RARB: variants seen among roughly 807,000 people sequenced by gnomAD.
RARB encodes the protein HBV-activated protein.
A neutral mutation model predicts 51.9 loss-of-function variants in RARB; 17 were observed. That is an observed-to-expected ratio of 0.33 (90% confidence interval 0.22 to 0.49). The LOEUF (loss-of-function observed/expected upper bound fraction) is 0.49, where lower values mean the gene tolerates loss of function less well. RARB is among the 20% of genes least tolerant of loss of function. RARB has a pLI of 0.99. For synonymous variants in RARB, 215 were observed against 195.4 expected, an observed-to-expected ratio of 1.10 and a Z score of -0.84; for missense variants, 369 against 550.8, an observed-to-expected ratio of 0.67 and a Z score of 3.30.
chr3:25,250,217 C>A (rs1349516297), intron 5 of RARB, among the ~76,000 whole-genome samples: 12 of 152,038 alleles, frequency 7.9e-5, no homozygotes, highest in Admixed American at 7.9e-4. Context: ...GGGATGCCAA[C>A]AATGGTGGAT....
intron 3 of RARB, among the ~76,000 whole-genome samples, chr3:25,067,475 G>A (rs1374788448): frequency 6.6e-6 from 1 of 152,182 alleles, no homozygotes. Flanking sequence ...TGGAGTGGAT[G>A]TAGAGGAGTT....
chr3:24,962,266 C>G (rs1696158303), intron 2 of RARB, among the ~76,000 whole-genome samples: 1 of 152,042 alleles, frequency 6.6e-6, no homozygotes, highest in Admixed American at 6.6e-5. Flanking sequence ...TTTGAAAGAT[C>G]AGGGTGCCTC....
chr3:25,198,892 A>G (rs1161522491), intron 5 of RARB, among the ~76,000 whole-genome samples: 1 of 152,098 alleles, frequency 6.6e-6, no homozygotes, highest in African/African-American at 2.4e-5. Flanking sequence ...ATTCCTCAAA[A>G]AACTAAAACT....
chr3:25,182,523 C>G (rs1461960037), intron 5 of RARB, among the ~76,000 whole-genome samples: 3 of 152,060 alleles, frequency 2.0e-5, no homozygotes, highest in Non-Finnish European at 4.4e-5. Context: ...AAAAGGGACT[C>G]AAAAGTATTG....
intron 5 of RARB, among the ~76,000 whole-genome samples, chr3:25,590,499 T>C (rs1575547521): frequency 6.6e-6 from 1 of 152,140 alleles, no homozygotes; most frequent in South Asian, 2.1e-4. Flanking sequence ...GGCCCATAAA[T>C]ATTGAGCATA....
intron 5 of RARB, among the ~76,000 whole-genome samples, chr3:25,285,985 C>A (rs74608911): frequency 0.025 from 3,824 of 151,918 alleles, 147 homozygotes; most frequent in African/African-American, 0.084. Context: ...ACTTTTTCTG[C>A]CTCCCTATTC....
intron 5 of RARB, among the ~76,000 whole-genome samples, chr3:25,332,569 A>G (rs1049344589): frequency 6.6e-5 from 10 of 152,236 alleles, no homozygotes; most frequent in Non-Finnish European, 1.3e-4. Context: ...AGCCAATATC[A>G]TACTGAATGG....
At chr3:24,949,988 A>G (rs1695855079) in intron 2 of RARB, among the ~76,000 whole-genome samples, 1 of 152,238 alleles carries the variant, frequency 6.6e-6, no homozygotes, top group Non-Finnish European at 1.5e-5. Flanking sequence ...GCGAAAGGAC[A>G]GATTATAGCA....
chr3:25,327,157 G>A (rs1213986309), intron 5 of RARB, among the ~76,000 whole-genome samples: 1 of 152,056 alleles, frequency 6.6e-6, no homozygotes, highest in East Asian at 1.9e-4. Flanking sequence ...GATCAGCCCA[G>A]AACGTTTAAC....
At chr3:25,359,740 G>T (rs1705869127) in intron 5 of RARB, among the ~76,000 whole-genome samples, 1 of 152,212 alleles carries the variant, frequency 6.6e-6, no homozygotes, top group Non-Finnish European at 1.5e-5. Flanking sequence ...TTACCCAGTA[G>T]TCATTCAGGA....
At chr3:25,258,036 T>C (rs1264174206) in intron 5 of RARB, among the ~76,000 whole-genome samples, 2 of 152,100 alleles carry the variant, frequency 1.3e-5, no homozygotes, top group Non-Finnish European at 2.9e-5. Flanking sequence ...TATAATGAAG[T>C]TAGGAATCCT....
intron 2 of RARB, among the ~76,000 whole-genome samples, chr3:24,952,276 TTAA>T (rs1419093719): frequency 6.6e-6 from 1 of 152,040 alleles, no homozygotes; most frequent in African/African-American, 2.4e-5. Context: ...ATTTACACAA[TTAA>T]TGATTAGTGA....
intron 3 of RARB, among the ~76,000 whole-genome samples, chr3:25,108,212 T>C (rs1699541930): frequency 6.6e-6 from 1 of 152,282 alleles, no homozygotes; most frequent in East Asian, 1.9e-4. Context: ...AATTTTTCAT[T>C]TAACATTTTG....
At chr3:24,958,754 T>C (rs1168962313) in intron 2 of RARB, among the ~76,000 whole-genome samples, 2 of 152,222 alleles carry the variant, frequency 1.3e-5, no homozygotes, top group Admixed American at 6.5e-5. Context: ...TCTGATGAGA[T>C]AAGTCTTTGG....
At chr3:25,391,894 A>G (rs932128179) in intron 5 of RARB, among the ~76,000 whole-genome samples, 1 of 152,040 alleles carries the variant, frequency 6.6e-6, no homozygotes, top group Non-Finnish European at 1.5e-5. Flanking sequence ...TTTTAGTTTA[A>G]TTAAGTCTCA....
chr3:24,955,089 G>A (rs9863730), intron 2 of RARB, among the ~76,000 whole-genome samples: 5,119 of 152,228 alleles, frequency 0.034, 257 homozygotes, highest in African/African-American at 0.12. Flanking sequence ...AAATTGGGTC[G>A]CATGAAGGGT....
chr3:25,294,087 C>G (rs983771995), intron 5 of RARB, among the ~76,000 whole-genome samples: 1 of 152,108 alleles, frequency 6.6e-6, no homozygotes, highest in Non-Finnish European at 1.5e-5. Flanking sequence ...CAGCCTGTTT[C>G]CCAGGAAAGA....
chr3:25,003,072 G>T (rs754886999), intron 2 of RARB, among the ~76,000 whole-genome samples: 8 of 151,628 alleles, frequency 5.3e-5, no homozygotes, highest in South Asian at 2.1e-4. Flanking sequence ...TGAATTTTTG[G>T]TATTATATAT....
At chr3:25,151,450 C>A (rs1186803438) in intron 4 of RARB, among the ~76,000 whole-genome samples, 1 of 152,184 alleles carries the variant, frequency 6.6e-6, no homozygotes, top group African/African-American at 2.4e-5. Flanking sequence ...AAGAAATCCA[C>A]CAACATCTTG....
Sources: allele counts gnomAD v4.1 joint callset (sites outside exome capture counted in the v4.1 genomes callset), GRCh38; gene constraint gnomAD v4.1.1; transcripts MANE v1.5; gene names NCBI Gene and HGNC (gene_info 2026-07-23, HGNC 2026-07-21).